Variants in ANKFN1 observed in about 807,000 individuals in gnomAD.
ANKFN1 encodes ankyrin repeat and fibronectin type III domain containing 1, also known as ankyrin repeat and fibronectin type-III domain-containing protein 1.
A neutral mutation model predicts 108.7 loss-of-function variants in ANKFN1; 74 were observed. The ratio of observed to expected loss-of-function variants is 0.68; its 90% CI spans 0.56 to 0.83. The LOEUF is 0.83. Ranked by LOEUF, ANKFN1 falls within the 40% of genes least tolerant of loss-of-function variation. The pLI is 0.00. For synonymous variants in ANKFN1, 547 were observed against 516.2 expected (o/e 1.06, Z -0.81); for missense variants, 1,505 against 1,382.3 (o/e 1.09, Z -1.41).
chr17:56,257,241 T>C (rs2043380745), intron 3 of ANKFN1, among the ~76,000 whole-genome samples: 1 of 152,118 alleles, frequency 6.6e-6, no homozygotes, highest in African/African-American at 2.4e-5. Context: ...AGATGTCATT[T>C]CTCTACTAAG....
At chr17:56,356,918 A>T (rs1170681461) in intron 6 of ANKFN1, among the ~76,000 whole-genome samples, 2 of 152,006 alleles carry the variant, frequency 1.3e-5, no homozygotes, top group African/African-American at 4.8e-5. Flanking sequence ...ACTACAAAAA[A>T]CTCTGCATTT....
chr17:56,181,869 C>T (rs1404748136), intron 1 of ANKFN1, among the ~76,000 whole-genome samples: 1 of 152,086 alleles, frequency 6.6e-6, no homozygotes, highest in Non-Finnish European at 1.5e-5. Flanking sequence ...ATCATTTTTC[C>T]AATAGAATGT....
intron 1 of ANKFN1, among the ~76,000 whole-genome samples, chr17:56,165,612 C>T (rs773734814): frequency 6.6e-6 from 1 of 152,082 alleles, no homozygotes; most frequent in Non-Finnish European, 1.5e-5. Flanking sequence ...GGATGCTTGG[C>T]GTCATATAGA....
chr17:56,280,376 A>T (rs897508343), intron 3 of ANKFN1, among the ~76,000 whole-genome samples: 2 of 152,116 alleles, frequency 1.3e-5, no homozygotes, highest in Non-Finnish European at 2.9e-5. Context: ...TTAAACTGGG[A>T]TGACCATATT....
chr17:56,457,320 A>C lies in ANKFN1; in HGVS notation c.1371A>C (p.Gln457His). ...KDNILVTNED[Q>H]VPIVEIDDSH... is the part of the protein sequence containing the mutation. ...ATATCTTAGTCACCAATGAAGATCAAGTACCAATTGTTGAAATAGATGACT... is the reference window on the plus strand; with the variant it reads ...ATATCTTAGTCACCAATGAAGATCACGTACCAATTGTTGAAATAGATGACT... The change falls in exon 13 of 21, where the codon CAA becomes CAC. Residue 457 changes from glutamine to histidine, a missense_variant. Coordinates refer to ENST00000682825, the MANE Select transcript of ANKFN1 (RefSeq NM_001370326.1). 2 of 1,607,500 alleles carry C rather than the reference A, an allele frequency of 1.2e-6. No homozygotes were observed. The highest frequency in any genetic ancestry group is 1.7e-6 in the Non-Finnish European group (2 of 1,176,066).
chr17:56,247,338 T>G (rs1918033849), intron 3 of ANKFN1, among the ~76,000 whole-genome samples: 1 of 152,176 alleles, frequency 6.6e-6, no homozygotes, highest in South Asian at 2.1e-4. Flanking sequence ...ATTTGAAAGT[T>G]AAACTTTTAA....
chr17:56,080,602 A>C (rs1330625018), intron 4 of ANKFN1, among the ~76,000 whole-genome samples: 2 of 151,926 alleles, frequency 1.3e-5, no homozygotes, highest in Non-Finnish European at 2.9e-5. Flanking sequence ...TCCTCCCTAT[A>C]CTCCTAAGAC....
At chr17:56,417,485 G>C (rs891194070) in intron 8 of ANKFN1, among the ~76,000 whole-genome samples, 3 of 152,178 alleles carry the variant, frequency 2.0e-5, no homozygotes, top group African/African-American at 7.2e-5. Context: ...CTGCAGCAGG[G>C]ACTATATAGT....
intron 3 of ANKFN1, among the ~76,000 whole-genome samples, chr17:56,319,880 A>C (rs1051045965): frequency 6.6e-6 from 1 of 152,208 alleles, no homozygotes; most frequent in Non-Finnish European, 1.5e-5. Flanking sequence ...ATTATGTTAC[A>C]TTAATGTAAA....
At chr17:56,354,271 A>C (rs1260044775) in intron 6 of ANKFN1, among the ~76,000 whole-genome samples, 2 of 151,806 alleles carry the variant, frequency 1.3e-5, no homozygotes, top group Admixed American at 1.3e-4. Flanking sequence ...TTAAAAAGGA[A>C]CCCCCAAAGA....
rs2051809154 is a variant in ANKFN1 at position 56,512,642 on chromosome 17, G to T, written c.*1373G>T. Among the ~76,000 whole-genome samples, 1 of 152,194 alleles carries T rather than the reference G, an allele frequency of 6.6e-6. No individual in the cohort carries two copies. Among genetic ancestry groups the T allele is most frequent in the African/African-American group, 2.4e-5 (1 of 41,440 alleles). On this transcript the variant is annotated 3_prime_UTR_variant, in exon 21 of 21. Transcript: ENST00000682825. ...CTGACATTCTAAATGATCCTTTTCT[G>T]CTTCACAGGCATTTCAGTTAAATAT...
intron 4 of ANKFN1, among the ~76,000 whole-genome samples, chr17:56,092,862 A>G (rs543161214): frequency 9.9e-5 from 15 of 150,926 alleles, no homozygotes; most frequent in African/African-American, 3.4e-4. Context: ...CTCTTCTCTT[A>G]GAGACCACTC....
intron 1 of ANKFN1, among the ~76,000 whole-genome samples, chr17:56,165,562 G>A (rs1910065342): frequency 6.6e-6 from 1 of 152,144 alleles, no homozygotes; most frequent in Non-Finnish European, 1.5e-5. Flanking sequence ...CCAATAGTCA[G>A]CACCACACAC....
chr17:56,391,581 C>T (rs2047439804), intron 8 of ANKFN1, among the ~76,000 whole-genome samples: 1 of 151,932 alleles, frequency 6.6e-6, no homozygotes, highest in East Asian at 1.9e-4. Context: ...CATGTGCCAC[C>T]ATGCCCTGCT....
At chr17:56,064,817 G>A (rs1279290752) in intron 4 of ANKFN1, among the ~76,000 whole-genome samples, 2 of 152,222 alleles carry the variant, frequency 1.3e-5, no homozygotes, top group African/African-American at 4.8e-5. Flanking sequence ...GAGACTCTGT[G>A]CGGCTCCAGG....
chr17:56,304,102 C>T (rs75530670), intron 3 of ANKFN1, among the ~76,000 whole-genome samples: 2,787 of 152,142 alleles, frequency 0.018, 28 homozygotes, highest in Middle Eastern at 0.034. Flanking sequence ...CAGAACATTC[C>T]CATCACAACA....
intron 4 of ANKFN1, among the ~76,000 whole-genome samples, chr17:56,141,261 C>A (rs2143393456): frequency 6.6e-6 from 1 of 152,300 alleles, no homozygotes; most frequent in Non-Finnish European, 1.5e-5. Flanking sequence ...GCCAATCTTG[C>A]CAGTACAATT....
intron 4 of ANKFN1, among the ~76,000 whole-genome samples, chr17:56,081,509 C>T (rs537658501): frequency 2.9e-4 from 44 of 152,106 alleles, no homozygotes; most frequent in African/African-American, 8.7e-4. Flanking sequence ...CCCGCCACCA[C>T]GCCCAGGTAA....
chr17:56,344,574 C>G (rs780689034), intron 4 of ANKFN1, among the ~76,000 whole-genome samples: 1 of 152,036 alleles, frequency 6.6e-6, no homozygotes, highest in Non-Finnish European at 1.5e-5. Context: ...AGGAAAATGA[C>G]AGAGCTTTTC....
Sources: allele counts gnomAD v4.1 joint callset (sites outside exome capture counted in the v4.1 genomes callset), GRCh38; gene constraint gnomAD v4.1.1; transcripts MANE v1.5; gene names NCBI Gene and HGNC (gene_info 2026-07-23, HGNC 2026-07-21).